The following PTPRD variants were observed in gnomAD, a reference collection of about 807,000 sequenced individuals.
The protein encoded by PTPRD is receptor-type tyrosine-protein phosphatase delta.
A neutral mutation model predicts 214.5 loss-of-function variants in PTPRD; 34 were observed. The observed-to-expected ratio is 0.16, with a 90% CI of 0.12 to 0.21. The LOEUF (loss-of-function observed/expected upper bound fraction) is 0.21. Ranked by LOEUF, PTPRD falls within the 10% of genes least tolerant of loss-of-function variation. The probability of loss-of-function intolerance (pLI) is 1.00; values close to 1 mark genes in which losing one functional copy is unlikely to be tolerated. For missense variants in PTPRD, 2,545 were observed against 2,398.7 expected (o/e 1.06, Z -1.27); for synonymous variants, 1,128 against 845.7 (o/e 1.33, Z -5.79).
chr9:10,258,914 TATG>T (rs1309741492), intron 3 of PTPRD, among the ~76,000 whole-genome samples: 1 of 152,236 alleles, frequency 6.6e-6, no homozygotes, highest in African/African-American at 2.4e-5. Context: ...GCAAATAAAA[TATG>T]ATAAATTCAA....
intron 3 of PTPRD, among the ~76,000 whole-genome samples, chr9:10,096,344 C>T (rs2098484283): frequency 6.6e-6 from 1 of 151,654 alleles, no homozygotes; most frequent in African/African-American, 2.4e-5. Flanking sequence ...TTTTATCTAA[C>T]TGGCTGACAG....
chr9:9,708,801 T>C (rs2097673337), intron 7 of PTPRD, among the ~76,000 whole-genome samples: 1 of 152,062 alleles, frequency 6.6e-6, no homozygotes, highest in South Asian at 2.1e-4. Flanking sequence ...CAGAATGCCA[T>C]TGCAAGAAAA....
chr9:8,936,985 T>C (rs1261612597), intron 11 of PTPRD, among the ~76,000 whole-genome samples: 2 of 152,176 alleles, frequency 1.3e-5, no homozygotes, highest in African/African-American at 4.8e-5. Context: ...TTATTTGTTT[T>C]TGGTAACAAG....
intron 10 of PTPRD, chr9:9,090,911 G>C: frequency 6.7e-7 from 1 of 1,484,788 alleles, no homozygotes; most frequent in Non-Finnish European, 9.3e-7. Context: ...ACAAAGAAAA[G>C]AAGGAACAAT....
At chr9:9,404,031 G>A (rs2072117095) in intron 8 of PTPRD, among the ~76,000 whole-genome samples, 1 of 151,956 alleles carries the variant, frequency 6.6e-6, no homozygotes, top group Admixed American at 6.6e-5. Context: ...AGTACACAAG[G>A]ACTTGTGTAC....
At chr9:9,384,342 GCTTTTTTTTTTTTTTTTTTT>G (rs2063205749) in intron 9 of PTPRD, among the ~76,000 whole-genome samples, 3 of 32,742 alleles carry the variant, frequency 9.2e-5, no homozygotes, top group Admixed American at 3.8e-4. Context: ...AGAAGACTAG[GCTTTTTTTTTTTTTTTTTTT>G]TTTTTTTTTT....
intron 4 of PTPRD, among the ~76,000 whole-genome samples, chr9:9,997,191 G>A (rs1488062470): frequency 6.6e-6 from 1 of 151,772 alleles, no homozygotes; most frequent in African/African-American, 2.4e-5. Context: ...TTCTAAAATT[G>A]AAAGCAAAAT....
chr9:10,540,584 T>C (rs2058883209), intron 2 of PTPRD, among the ~76,000 whole-genome samples: 1 of 152,226 alleles, frequency 6.6e-6, no homozygotes, highest in Non-Finnish European at 1.5e-5. Context: ...TTTTCATCCA[T>C]TCCTACATGT....
At chr9:10,076,617 A>T (rs761572377) in intron 3 of PTPRD, among the ~76,000 whole-genome samples, 4 of 152,090 alleles carry the variant, frequency 2.6e-5, no homozygotes, top group Non-Finnish European at 4.4e-5. Context: ...AGCTCCTCTC[A>T]CGGGCTGTCA....
intron 2 of PTPRD, among the ~76,000 whole-genome samples, chr9:10,604,796 T>A (rs1363281335): frequency 6.6e-6 from 1 of 151,906 alleles, no homozygotes; most frequent in Non-Finnish European, 1.5e-5. Context: ...ATGTATTATA[T>A]AATAAAATAG....
At chr9:9,615,932 C>A (rs2094831555) in intron 7 of PTPRD, among the ~76,000 whole-genome samples, 1 of 152,128 alleles carries the variant, frequency 6.6e-6, no homozygotes, top group African/African-American at 2.4e-5. Flanking sequence ...TTGTAACCAT[C>A]CCAAAACTTA....
At chr9:9,479,618 T>G (rs1299868318) in intron 8 of PTPRD, among the ~76,000 whole-genome samples, 1 of 152,156 alleles carries the variant, frequency 6.6e-6, no homozygotes, top group Non-Finnish European at 1.5e-5. Flanking sequence ...TTTTAAGTAT[T>G]ATTAGATACC....
intron 2 of PTPRD, among the ~76,000 whole-genome samples, chr9:10,545,769 T>C (rs1430457688): frequency 1.3e-5 from 2 of 152,180 alleles, no homozygotes; most frequent in African/African-American, 4.8e-5. Context: ...AGTTCTTTCT[T>C]ATTGCTAGAC....
chr9:9,130,430 T>C (rs1468476217), intron 10 of PTPRD, among the ~76,000 whole-genome samples: 2 of 152,208 alleles, frequency 1.3e-5, no homozygotes, highest in Non-Finnish European at 2.9e-5. Flanking sequence ...CCCATCTTTC[T>C]GTTTCACTGT....
At chr9:9,492,856 A>G (rs1177331302) in intron 8 of PTPRD, among the ~76,000 whole-genome samples, 1 of 150,136 alleles carries the variant, frequency 6.7e-6, no homozygotes, top group Non-Finnish European at 1.5e-5. Flanking sequence ...TTTAAACTTT[A>G]TTATTATTTA....
rs528706633 is a variant in PTPRD, at chr9:9,270,985, T to C, written c.-202-87622A>G. ...TATTAATATAAAGAAGACGGTGAGA[T>C]AAAAGCTTTGAGGGTTGGGGATAAA... On this transcript the variant is annotated intron_variant, in intron 9 of 45. Coordinates refer to ENST00000381196, the MANE Select transcript of PTPRD (RefSeq NM_002839.4). Among the ~76,000 whole-genome samples the C allele has an allele frequency of 5.9e-5, 9 of 151,444 alleles. No homozygotes were observed. In the East Asian group the frequency reaches 1.2e-3, roughly 20 times the overall value.
chr9:10,030,609 C>T (rs1435689393), intron 4 of PTPRD, among the ~76,000 whole-genome samples: 1 of 152,046 alleles, frequency 6.6e-6, no homozygotes, highest in Non-Finnish European at 1.5e-5. Flanking sequence ...AGGAAAGGCT[C>T]AGGGAAATAA....
rs541767961 is a variant in PTPRD at position 9,364,987 on chromosome 9, A to G, written c.-203+32462T>C. ...AGTTCTAGGTACATTGAGATTGTAC[A>G]TCTCACAGGATTCTCTGATGAACTG... is the stretch of plus-strand genomic sequence containing the variant. On this transcript the variant is annotated intron_variant, in intron 9 of 45. Coordinates refer to ENST00000381196, the MANE Select transcript of PTPRD (RefSeq NM_002839.4). Among the ~76,000 whole-genome samples, 15 of 151,606 alleles carry G rather than the reference A, an allele frequency of 9.9e-5. No homozygotes were observed. The South Asian group carries it at 3.1e-3, about 31-fold the overall frequency.
intron 5 of PTPRD, among the ~76,000 whole-genome samples, chr9:9,792,075 AT>A (rs768092989): frequency 1.3e-4 from 20 of 152,204 alleles, no homozygotes; most frequent in Non-Finnish European, 2.2e-4. Flanking sequence ...ATTAAAAAAA[AT>A]GTTTTATCCC....
Sources: allele counts gnomAD v4.1 joint callset (sites outside exome capture counted in the v4.1 genomes callset), GRCh38; gene constraint gnomAD v4.1.1; transcripts MANE v1.5; gene names NCBI Gene and HGNC (gene_info 2026-07-23, HGNC 2026-07-21).